Variants in PCDHA4 observed in about 807,000 individuals in gnomAD.
PCDHA4 encodes protocadherin alpha 4.
In PCDHA4, 49 loss-of-function variants were observed where a neutral mutation model predicts 61.4. The ratio of observed to expected loss-of-function variants is 0.80; its 90% CI spans 0.63 to 1.01. The LOEUF (loss-of-function observed/expected upper bound fraction) is 1.01. PCDHA4 is among the 50% of genes least tolerant of loss of function. The pLI, the probability that PCDHA4 is intolerant of heterozygous loss-of-function variation, is 0.00. For synonymous variants in PCDHA4, 590 were observed against 550.3 expected (o/e 1.07, Z -1.01); for missense variants, 1,254 against 1,235.8 (o/e 1.01, Z -0.22).
intron 1 of PCDHA4, among the ~76,000 whole-genome samples, chr5:140,885,790 G>T (rs141648269): frequency 0.012 from 1,822 of 152,058 alleles, 11 homozygotes; most frequent in Non-Finnish European, 0.018. Context: ...TGAGCATATT[G>T]TCATATGTAT....
At chr5:140,821,368 A>G (rs1554128069) in intron 1 of PCDHA4, among the ~76,000 whole-genome samples, 1 of 152,220 alleles carries the variant, frequency 6.6e-6, no homozygotes, top group African/African-American at 2.4e-5. Flanking sequence ...ATTTTTCTGT[A>G]ATATTTTAAT....
chr5:140,851,850 C>T (rs2042178583), intron 1 of PCDHA4: 1 of 971,904 alleles, frequency 1.0e-6, no homozygotes, highest in South Asian at 4.8e-5. Context: ...TTTTTCTCCT[C>T]TCAGCTCATA....
chr5:140,924,103 TC>T (rs1377290150), intron 1 of PCDHA4, among the ~76,000 whole-genome samples: 1 of 152,234 alleles, frequency 6.6e-6, no homozygotes, highest in African/African-American at 2.4e-5. Flanking sequence ...AAATTTTCAT[TC>T]CAAAGCAGTT....
At chr5:140,930,209 T>C (rs752393887) in intron 1 of PCDHA4, 4 of 152,266 alleles carry the variant, frequency 2.6e-5, no homozygotes, top group Non-Finnish European at 5.9e-5. Flanking sequence ...GAAATATTTA[T>C]GTGTTCAAAG....
chr5:140,854,948 T>C (rs1417243571), intron 1 of PCDHA4, among the ~76,000 whole-genome samples: 4 of 150,034 alleles, frequency 2.7e-5, no homozygotes, highest in Middle Eastern at 3.5e-3. Flanking sequence ...AATAATAAAT[T>C]TCTTAATTAC....
chr5:140,958,495 C>T (rs559117374), intron 1 of PCDHA4, among the ~76,000 whole-genome samples: 1 of 152,138 alleles, frequency 6.6e-6, no homozygotes, highest in African/African-American at 2.4e-5. Context: ...TCCACATATC[C>T]TAGGAGGCAT....
Position 141,011,113 on chromosome 5 carries a change from GAAAC to G in PCDHA4, c.*1179_*1182del, listed in dbSNP as rs1378492452. 6.5e-6 allele frequency: 1 copy of G among 153,504 alleles called. No homozygotes were observed. The highest frequency in any genetic ancestry group is 2.4e-5 in the African/African-American group (1 of 41,342). 9.5% of individuals were successfully genotyped at this position (153,504 alleles called of 1,614,324 possible). A position where few individuals can be genotyped will look rare whatever the true frequency, so the allele number is the denominator to read the frequency against. ...TTCTCTCTCTCTCTCTCTTTTCTAA[GAAAC>G]AATTATGTGCACTTTGATACACAAC... On this transcript the variant is annotated 3_prime_UTR_variant, in exon 4 of 4. Coordinates refer to ENST00000530339, the MANE Select transcript of PCDHA4 (RefSeq NM_018907.4).
rs557129583 is a variant in PCDHA4 at position 140,853,604 on chromosome 5, G to A, written c.2385+44032G>A. The A allele has an allele frequency of 2.1e-4, 212 of 987,262 alleles. 18 individuals are homozygous for A. Among genetic ancestry groups the A allele is most frequent in the Non-Finnish European group, 2.2e-4 (180 of 819,618 alleles). 61.2% of individuals were successfully genotyped at this position (987,262 alleles called of 1,614,324 possible). A position where few individuals can be genotyped will look rare whatever the true frequency, so the allele number is the denominator to read the frequency against. ...ATCTTAGACACTTTGAGAGCAAAGG[G>A]GGTGCTGTAAATAAGTATACAAGAT... On this transcript the variant is annotated intron_variant, in intron 1 of 3. Coordinates refer to ENST00000530339, the MANE Select transcript of PCDHA4 (RefSeq NM_018907.4).
At chr5:140,854,512 G>A (rs1265756710) in intron 1 of PCDHA4, 2 of 149,810 alleles carry the variant, frequency 1.3e-5, no homozygotes, top group Admixed American at 6.7e-5. Context: ...TAAACTGATG[G>A]ATTAAGTGAC....
chr5:140,852,789 C>T, intron 1 of PCDHA4: 1 of 977,530 alleles, frequency 1.0e-6, no homozygotes, highest in Non-Finnish European at 1.2e-6. Context: ...TAGAGGGATG[C>T]TACAGATGTC....
At chr5:140,882,160 C>G (rs2058982745) in intron 1 of PCDHA4, 8 of 1,509,868 alleles carry the variant, frequency 5.3e-6, no homozygotes, top group Non-Finnish European at 7.1e-6. Flanking sequence ...CGGAATACCT[C>G]TTGCGAATCC....
chr5:140,977,314 C>T (rs905353961), intron 1 of PCDHA4, among the ~76,000 whole-genome samples: 1 of 152,152 alleles, frequency 6.6e-6, no homozygotes, highest in Non-Finnish European at 1.5e-5. Context: ...AACGATAGTG[C>T]TCCTGATGGC....
intron 1 of PCDHA4, chr5:140,855,886 A>C: frequency 1.0e-6 from 1 of 980,916 alleles, no homozygotes; most frequent in Non-Finnish European, 1.5e-6. Context: ...GCTTTTTAGA[A>C]CAAAGGCATC....
chr5:140,848,251 T>A, intron 1 of PCDHA4: 1 of 465,844 alleles, frequency 2.1e-6, no homozygotes, highest in East Asian at 3.2e-5. Context: ...GCAGAATAAC[T>A]GTGAAATTTT....
chr5:140,904,416 A>T (rs930452191), intron 1 of PCDHA4, among the ~76,000 whole-genome samples: 1 of 150,980 alleles, frequency 6.6e-6, no homozygotes, highest in Non-Finnish European at 1.5e-5. Context: ...TATATAATAC[A>T]TATATTTTAT....
At chr5:140,903,597 T>C (rs1182384058) in intron 1 of PCDHA4, among the ~76,000 whole-genome samples, 1 of 152,218 alleles carries the variant, frequency 6.6e-6, no homozygotes, top group African/African-American at 2.4e-5. Flanking sequence ...GCCTGATAAA[T>C]GCTTAATACA....
In PCDHA4 at chr5:140,807,851, T is replaced by C; in HGVS notation, c.664T>C (p.Leu222=). ...AGCCACTGATGGAGGCAAACCCGAGTTGACTGGCACCGTTCAGTTACTCAT... is the reference window on the plus strand; with the variant it reads ...AGCCACTGATGGAGGCAAACCCGAGCTGACTGGCACCGTTCAGTTACTCAT... ...LTATDGGKPE[L]TGTVQLLITV... Residue 222 remains leucine, a synonymous_variant, in exon 1 of 4, where the codon TTG becomes CTG. Transcript: ENST00000530339. 6.2e-7 allele frequency: 1 copy of C among 1,614,070 alleles called. No individual in the cohort carries two copies. Among genetic ancestry groups the C allele is most frequent in the Non-Finnish European group, 8.5e-7 (1 of 1,180,016 alleles).
At chr5:140,880,796 T>C (rs538689350) in intron 1 of PCDHA4, among the ~76,000 whole-genome samples, 4 of 152,180 alleles carry the variant, frequency 2.6e-5, no homozygotes, top group Non-Finnish European at 5.9e-5. Context: ...GTAATATAAA[T>C]AGGTGAATGA....
intron 1 of PCDHA4, chr5:140,876,299 A>G: frequency 1.2e-6 from 2 of 1,614,062 alleles, no homozygotes; most frequent in South Asian, 2.2e-5. Context: ...CTTAATGGAG[A>G]AATTTCCTAT....
Sources: allele counts gnomAD v4.1 joint callset (sites outside exome capture counted in the v4.1 genomes callset), GRCh38; gene constraint gnomAD v4.1.1; transcripts MANE v1.5; gene names NCBI Gene and HGNC (gene_info 2026-07-23, HGNC 2026-07-21).